Variants in MAGI2 observed in about 807,000 individuals in gnomAD.
MAGI2 encodes the protein membrane-associated guanylate kinase, WW and PDZ domain-containing protein 2.
Under a neutral mutation model 133.3 loss-of-function variants are expected in MAGI2, and 35 were observed. That is an observed-to-expected ratio of 0.26 (90% CI 0.20 to 0.35). MAGI2 has a LOEUF of 0.35. MAGI2 is among the 10% of genes least tolerant of loss of function. The pLI, the probability that MAGI2 is intolerant of heterozygous loss-of-function variation, is 1.00. For missense variants in MAGI2, 1,636 were observed against 1,863.4 expected, an observed-to-expected ratio of 0.88 and a Z score of 2.25; for synonymous variants, 729 against 710.6, an observed-to-expected ratio of 1.03 and a Z score of -0.41.
chr7:79,005,334 C>T (rs981876750), intron 2 of MAGI2, among the ~76,000 whole-genome samples: 1 of 152,182 alleles, frequency 6.6e-6, no homozygotes, highest in African/African-American at 2.4e-5. Context: ...TTTATAGGAG[C>T]TATCCAAGGA....
At chr7:79,279,412 A>G (rs1835464677) in intron 1 of MAGI2, among the ~76,000 whole-genome samples, 1 of 152,172 alleles carries the variant, frequency 6.6e-6, no homozygotes. Flanking sequence ...AGAGAAATAC[A>G]TGTGTAGCCT....
At chr7:78,592,157 A>C (rs1804072785) in intron 3 of MAGI2, among the ~76,000 whole-genome samples, 1 of 152,212 alleles carries the variant, frequency 6.6e-6, no homozygotes, top group African/African-American at 2.4e-5. Flanking sequence ...AAATCTTTTA[A>C]ATATAGCACT....
chr7:78,888,619 G>C (rs1385652383), intron 2 of MAGI2, among the ~76,000 whole-genome samples: 5 of 152,122 alleles, frequency 3.3e-5, no homozygotes, highest in Non-Finnish European at 7.3e-5. Flanking sequence ...ATGCAAACAG[G>C]GTCTGGAGTG....
intron 2 of MAGI2, among the ~76,000 whole-genome samples, chr7:78,902,896 C>G (rs1156417801): frequency 6.6e-6 from 1 of 152,076 alleles, no homozygotes; most frequent in African/African-American, 2.4e-5. Context: ...ATGACACATT[C>G]AAACATTTTA....
Position 78,881,908 on chromosome 7 carries a change from T to A in MAGI2, c.418+125182A>T, listed in dbSNP as rs570945420. On this transcript the variant is annotated intron_variant, in intron 2 of 21. Transcript: ENST00000354212. ...AGGAACTAGAAAAACAAGAACAAACTAATCCCAAAGCTAGCAGAGGAAAAG... is the reference window on the plus strand; with the variant it reads ...AGGAACTAGAAAAACAAGAACAAACAAATCCCAAAGCTAGCAGAGGAAAAG... Among the ~76,000 whole-genome samples, 16 of 149,126 alleles carry A rather than the reference T, an allele frequency of 1.1e-4. No individual in the cohort carries two copies. In the East Asian group the frequency reaches 3.0e-3, roughly 28 times the overall value.
At chr7:78,858,972 A>G (rs1444416847) in intron 2 of MAGI2, among the ~76,000 whole-genome samples, 1 of 151,912 alleles carries the variant, frequency 6.6e-6, no homozygotes, top group Non-Finnish European at 1.5e-5. Flanking sequence ...TGTTGAATTG[A>G]TCCCTTTACC....
rs1183514493 is a variant in MAGI2 at position 79,367,856 on chromosome 7, G to GACACACACACACACACAC, written c.301+85163_301+85164insGTGTGTGTGTGTGTGTGT. Among the ~76,000 whole-genome samples the GACACACACACACACACAC allele has an allele frequency of 9.6e-3, 671 of 69,694 alleles. 29 individuals are homozygous for GACACACACACACACACAC. The highest frequency in any genetic ancestry group is 0.028 in the South Asian group (63 of 2,280). The allele number at this position is 69,694 out of a possible 152,430, so 45.7% of individuals were successfully genotyped here. A position where few individuals can be genotyped will look rare whatever the true frequency, so the allele number is the denominator to read the frequency against. On this transcript the variant is annotated intron_variant, in intron 1 of 21. Coordinates refer to ENST00000354212, the MANE Select transcript of MAGI2 (RefSeq NM_012301.4). ...GTCATATATATATGCTTATATATGT[G>GACACACACACACACACAC]ACATATATATATATATATATGTCAT...
At chr7:78,991,121 T>G (rs1805728731) in intron 2 of MAGI2, among the ~76,000 whole-genome samples, 1 of 151,890 alleles carries the variant, frequency 6.6e-6, no homozygotes, top group South Asian at 2.1e-4. Flanking sequence ...TGGTACTTCC[T>G]TTTTGCTTGC....
intron 2 of MAGI2, among the ~76,000 whole-genome samples, chr7:78,984,629 G>C (rs1029470402): frequency 6.6e-6 from 1 of 151,626 alleles, no homozygotes; most frequent in African/African-American, 2.4e-5. Context: ...GTATCTGCTC[G>C]TATGTGATAC....
chr7:79,037,370 T>C (rs1811225271), intron 1 of MAGI2, among the ~76,000 whole-genome samples: 1 of 152,108 alleles, frequency 6.6e-6, no homozygotes, highest in Non-Finnish European at 1.5e-5. Flanking sequence ...GAATTGTTGC[T>C]TTAAGGAAAG....
chr7:79,032,408 C>G (rs1052774550), intron 1 of MAGI2, among the ~76,000 whole-genome samples: 1 of 151,494 alleles, frequency 6.6e-6, no homozygotes, highest in Non-Finnish European at 1.5e-5. Context: ...ATCTCAGCTA[C>G]TTGGGAGGCT....
At chr7:79,101,486 A>T (rs1343437387) in intron 1 of MAGI2, among the ~76,000 whole-genome samples, 1 of 152,188 alleles carries the variant, frequency 6.6e-6, no homozygotes, top group East Asian at 1.9e-4. Context: ...GCACTTTGGG[A>T]GGCCGAGGTG....
In MAGI2 at chr7:78,439,994, G is replaced by A. The variant is rs182684430; in HGVS notation, c.1045+49767C>T. On this transcript the variant is annotated intron_variant, in intron 6 of 21. Coordinates refer to ENST00000354212, the MANE Select transcript of MAGI2 (RefSeq NM_012301.4). ...ACTAAATAAATATTATTAATTTAAC[G>A]TATTTTTATTTTTTTACTAGAAAAT... Among the ~76,000 whole-genome samples the A allele has an allele frequency of 3.2e-3, 484 of 151,552 alleles. 2 individuals carry two copies. The highest frequency in any genetic ancestry group is 6.8e-3 in the Middle Eastern group (2 of 294).
intron 13 of MAGI2, among the ~76,000 whole-genome samples, chr7:78,179,569 G>A (rs926790157): frequency 9.2e-5 from 14 of 152,118 alleles, no homozygotes; most frequent in Admixed American, 3.9e-4. Flanking sequence ...TGAATCAGGC[G>A]CTTAAGTACA....
intron 2 of MAGI2, among the ~76,000 whole-genome samples, chr7:78,961,271 C>T (rs1311388288): frequency 6.6e-6 from 1 of 152,058 alleles, no homozygotes; most frequent in Non-Finnish European, 1.5e-5. Flanking sequence ...TCTTCAGATG[C>T]CAAATTGGGC....
chr7:78,645,626 G>T (rs1004425851), intron 2 of MAGI2, among the ~76,000 whole-genome samples: 1 of 134,514 alleles, frequency 7.4e-6, no homozygotes, highest in Non-Finnish European at 1.6e-5. Flanking sequence ...TAACTATTTT[G>T]CAGATATAAG....
At chr7:78,051,434 G>A (rs1213124301) in intron 21 of MAGI2, among the ~76,000 whole-genome samples, 4 of 152,202 alleles carry the variant, frequency 2.6e-5, no homozygotes, top group East Asian at 1.9e-4. Context: ...ATACATAAAT[G>A]TTATGCAATT....
At chr7:78,370,879 A>T (rs2151266204) in intron 6 of MAGI2, among the ~76,000 whole-genome samples, 1 of 152,110 alleles carries the variant, frequency 6.6e-6, no homozygotes, top group East Asian at 1.9e-4. Flanking sequence ...CATACTAAGA[A>T]GGATAATTTA....
rs372808705 is a variant in MAGI2 at position 78,320,529 on chromosome 7, T to C, written c.1408+23249A>G. The stretch of plus-strand genomic sequence containing the variant: ...CGAACCAATGACAAAAAACACATGA[T>C]TATCTCAATAGATGCAGAAAAGGCC... On this transcript the variant is annotated intron_variant, in intron 9 of 21. Coordinates refer to ENST00000354212, the MANE Select transcript of MAGI2 (RefSeq NM_012301.4). Among the ~76,000 whole-genome samples, 27 of 152,324 alleles carry C rather than the reference T, an allele frequency of 1.8e-4. No individual in the cohort carries two copies. In the South Asian group the frequency reaches 5.4e-3, roughly 30 times the overall value.
Sources: allele counts gnomAD v4.1 joint callset (sites outside exome capture counted in the v4.1 genomes callset), GRCh38; gene constraint gnomAD v4.1.1; transcripts MANE v1.5; gene names NCBI Gene and HGNC (gene_info 2026-07-23, HGNC 2026-07-21).